Variants in CECR2 observed in about 807,000 individuals in gnomAD.
CECR2 encodes the protein CECR2 histone acetyl-lysine reader.
In CECR2, 30 loss-of-function variants were observed where a neutral mutation model predicts 154.5. That is an observed-to-expected ratio of 0.19 (90% CI 0.15 to 0.26). The LOEUF (loss-of-function observed/expected upper bound fraction) is 0.26. Among genes scored for constraint, CECR2 ranks in the 10% least tolerant of loss-of-function variants. The pLI, the probability that CECR2 is intolerant of heterozygous loss-of-function variation, is 1.00. For missense variants in CECR2, 1,743 were observed against 1,829.3 expected, an observed-to-expected ratio of 0.95 and a Z score of 0.86; for synonymous variants, 725 against 683.7, an observed-to-expected ratio of 1.06 and a Z score of -0.94.
At chr22:17,461,800 T>TC (rs1381102219) in intron 1 of CECR2, among the ~76,000 whole-genome samples, 1 of 146,654 alleles carries the variant, frequency 6.8e-6, no homozygotes, top group East Asian at 1.9e-4. Flanking sequence ...TACTTTTTTT[T>TC]TTTTTTTTTT....
At chr22:17,440,241 T>G (rs1201403385) in intron 1 of CECR2, among the ~76,000 whole-genome samples, 1 of 152,044 alleles carries the variant, frequency 6.6e-6, no homozygotes, top group Admixed American at 6.6e-5. Flanking sequence ...GTATCTGTAT[T>G]TATTCACATC....
Position 17,553,253 on chromosome 22 carries a change from C to G in CECR2, c.*413C>G, listed in dbSNP as rs1172941358. 5 of 155,708 alleles carry G rather than the reference C, an allele frequency of 3.2e-5. No individual in the cohort carries two copies. Among genetic ancestry groups the G allele is most frequent in the Non-Finnish European group, 6.9e-5 (5 of 72,608 alleles). The allele number at this position is 155,708 out of a possible 1,614,324, so 9.6% of individuals were successfully genotyped here. On this transcript the variant is annotated 3_prime_UTR_variant, in exon 19 of 19. Transcript: ENST00000262608. Reference sequence around the variant, plus strand: ...GTATATATTTGGGGAAGGGACTACTCTTAGTATTAATGGTTTTGGAGCTGG... The same window carrying G: ...GTATATATTTGGGGAAGGGACTACTGTTAGTATTAATGGTTTTGGAGCTGG...
chr22:17,410,344 A>G (rs569623497), intron 1 of CECR2, among the ~76,000 whole-genome samples: 1 of 152,278 alleles, frequency 6.6e-6, no homozygotes, highest in East Asian at 1.9e-4. Flanking sequence ...TATATAGCGT[A>G]AGCCTTGTCA....
chr22:17,389,298 A>G (rs2063300618), intron 1 of CECR2, among the ~76,000 whole-genome samples: 1 of 152,066 alleles, frequency 6.6e-6, no homozygotes, highest in African/African-American at 2.4e-5. Flanking sequence ...ATATTTTATC[A>G]TAAAAGTTAC....
Position 17,542,603 on chromosome 22 carries a change from C to T in CECR2, c.2460C>T (p.Pro820=), listed in dbSNP as rs2056545133. ...DSRVMRPPVP[P]NQWTEQSGFL... ...GAGTCATGAGACCACCTGTCCCCCC[C>T]AACCAGTGGACTGAACAATCAGGCT... The change falls in exon 16 of 19, where the codon CCC becomes CCT. Residue 820 remains proline, a synonymous_variant. Coordinates refer to ENST00000262608, the MANE Select transcript of CECR2 (RefSeq NM_001290047.2). 1.2e-6 allele frequency: 2 copies of T among 1,613,910 alleles called. No homozygotes were observed. The highest frequency in any genetic ancestry group is 1.3e-5 in the African/African-American group (1 of 74,930).
intron 1 of CECR2, among the ~76,000 whole-genome samples, chr22:17,468,035 G>A (rs192352479): frequency 2.6e-5 from 4 of 152,312 alleles, no homozygotes; most frequent in East Asian, 1.9e-4. Context: ...GAGGGCAGTC[G>A]TCTTTTGTAG....
chr22:17,486,095 T>G (rs1435736852), intron 2 of CECR2, among the ~76,000 whole-genome samples: 1 of 152,176 alleles, frequency 6.6e-6, no homozygotes, highest in African/African-American at 2.4e-5. Flanking sequence ...TCTTCTCACC[T>G]CAGCCTCCTA....
intron 1 of CECR2, among the ~76,000 whole-genome samples, chr22:17,436,030 C>T (rs2054501814): frequency 6.6e-6 from 1 of 152,232 alleles, no homozygotes; most frequent in South Asian, 2.1e-4. Context: ...ACCATCTCAG[C>T]TCACTGCAAC....
At chr22:17,476,786 A>C (rs891877522) in intron 1 of CECR2, among the ~76,000 whole-genome samples, 4 of 152,218 alleles carry the variant, frequency 2.6e-5, no homozygotes, top group African/African-American at 9.6e-5. Context: ...TTCTAGTAGG[A>C]GACTTGATGG....
chr22:17,405,336 T>TGGGAGGTGGAGGTTGCA (rs1378561053), intron 1 of CECR2, among the ~76,000 whole-genome samples: 1 of 151,698 alleles, frequency 6.6e-6, no homozygotes, highest in Admixed American at 6.6e-5. Context: ...CGCTTGAACC[T>TGGGAGGTGGAGGTTGCA]GGGAGGTGGA....
At chr22:17,530,331 G>A (rs925556238) in intron 9 of CECR2, among the ~76,000 whole-genome samples, 1 of 151,708 alleles carries the variant, frequency 6.6e-6, no homozygotes, top group African/African-American at 2.4e-5. Context: ...AGAGGACTCA[G>A]AGCTTTTATT....
rs545576656 is a variant in CECR2, at chr22:17,507,890, CTAATAAT to C, written c.870+2877_870+2883del. ...TTGGGAAGTAGAAAATCTTAGCAGA[CTAATAAT>C]TAGGGAGTTCTCACAGAAGGATCGA... On this transcript the variant is annotated intron_variant, in intron 7 of 18. Coordinates refer to ENST00000262608, the MANE Select transcript of CECR2 (RefSeq NM_001290047.2). 1.9e-3 allele frequency among the ~76,000 whole-genome samples: 283 copies of C among 152,150 alleles called. 3 individuals carry two copies. The highest frequency in any genetic ancestry group is 4.9e-4 in the Non-Finnish European group (33 of 67,990).
chr22:17,381,717 T>C (rs1394674165), intron 1 of CECR2, among the ~76,000 whole-genome samples: 1 of 152,072 alleles, frequency 6.6e-6, no homozygotes, highest in Non-Finnish European at 1.5e-5. Context: ...AGCAGTGGTA[T>C]TGTGAAACCT....
intron 1 of CECR2, among the ~76,000 whole-genome samples, chr22:17,466,143 G>C (rs117196172): frequency 2.0e-5 from 3 of 151,938 alleles, no homozygotes; most frequent in Non-Finnish European, 4.4e-5. Flanking sequence ...GTAGAGACAG[G>C]GTTTCGCTAT....
intron 2 of CECR2, among the ~76,000 whole-genome samples, chr22:17,494,467 A>G (rs533115061): frequency 3.3e-5 from 5 of 152,308 alleles, no homozygotes; most frequent in African/African-American, 4.8e-5. Flanking sequence ...TTCACAGACA[A>G]TGGAGAGGCA....
intron 1 of CECR2, 46 bp downstream of exon 1, chr22:17,369,955 C>T (rs1445914369): frequency 0.099 from 14,904 of 151,144 alleles, 896 homozygotes; most frequent in African/African-American, 0.17. Context: ...GCCCCCTGCT[C>T]CCCCTGCCCC....
At chr22:17,385,199 T>G (rs1265029064) in intron 1 of CECR2, among the ~76,000 whole-genome samples, 1 of 152,248 alleles carries the variant, frequency 6.6e-6, no homozygotes, top group African/African-American at 2.4e-5. Context: ...TTCTCATTAC[T>G]GTGTTCACTG....
chr22:17,430,323 A>G (rs2054402318), intron 1 of CECR2, among the ~76,000 whole-genome samples: 1 of 152,084 alleles, frequency 6.6e-6, no homozygotes, highest in Admixed American at 6.6e-5. Flanking sequence ...GCAAATGTGT[A>G]TCTATAGAAA....
intron 1 of CECR2, among the ~76,000 whole-genome samples, chr22:17,447,936 G>A (rs1428996745): frequency 1.3e-5 from 2 of 151,542 alleles, no homozygotes; most frequent in Non-Finnish European, 2.9e-5. Flanking sequence ...CTGCTGTGTT[G>A]GACAGTGCAA....
Sources: gnomAD v4.1 joint callset for allele counts (sites outside exome capture counted in the v4.1 genomes callset) on GRCh38, gnomAD v4.1.1 for gene constraint, MANE v1.5 for transcripts, NCBI Gene and HGNC (gene_info 2026-07-23, HGNC 2026-07-21) for gene names.